FHOD3: variants seen among roughly 807,000 people sequenced by gnomAD.
FHOD3 encodes formin homology 2 domain containing 3.
A neutral mutation model predicts 173.0 loss-of-function variants in FHOD3; 90 were observed. The ratio of observed to expected loss-of-function variants is 0.52; its 90% CI spans 0.44 to 0.62. The LOEUF (loss-of-function observed/expected upper bound fraction) is 0.62, where lower values mean the gene tolerates loss of function less well. FHOD3 is among the 20% of genes least tolerant of loss of function. The pLI is 0.00. For synonymous variants in FHOD3, 828 were observed against 823.0 expected, an observed-to-expected ratio of 1.01 and a Z score of -0.10; for missense variants, 1,945 against 2,034.7, an observed-to-expected ratio of 0.96 and a Z score of 0.85.
intron 1 of FHOD3, among the ~76,000 whole-genome samples, chr18:36,301,269 A>G (rs564361940): frequency 6.6e-6 from 1 of 152,336 alleles, no homozygotes; most frequent in East Asian, 1.9e-4. Flanking sequence ...GAGTGTGGAC[A>G]TCTTTTCTTA....
At chr18:36,723,107 A>G (rs9962711) in intron 19 of FHOD3, among the ~76,000 whole-genome samples, 2,377 of 152,252 alleles carry the variant, frequency 0.016, 50 homozygotes, top group African/African-American at 0.054. Context: ...TGTCAGGGCC[A>G]AAAGCCCCTG....
intron 3 of FHOD3, among the ~76,000 whole-genome samples, chr18:36,497,668 G>A (rs993741702): frequency 6.6e-6 from 1 of 152,124 alleles, no homozygotes; most frequent in Non-Finnish European, 1.5e-5. Flanking sequence ...AATCCCAAAT[G>A]TAAGCACACC....
chr18:36,445,371 T>C (rs916432542), intron 3 of FHOD3, among the ~76,000 whole-genome samples: 2 of 152,182 alleles, frequency 1.3e-5, no homozygotes, highest in African/African-American at 2.4e-5. Context: ...TAAAAACTTC[T>C]GGGTTTTAGG....
chr18:36,389,818 G>A (rs1413456777), intron 3 of FHOD3, among the ~76,000 whole-genome samples: 8 of 151,938 alleles, frequency 5.3e-5, no homozygotes, highest in Non-Finnish European at 1.2e-4. Context: ...GGACAGACGG[G>A]TGAATCTGGG....
chr18:36,492,346 G>A (rs1174484909), intron 3 of FHOD3, among the ~76,000 whole-genome samples: 2 of 152,028 alleles, frequency 1.3e-5, no homozygotes, highest in African/African-American at 4.8e-5. Flanking sequence ...CTTCTCACAT[G>A]ACATTGCCAT....
At chr18:36,665,166 G>C (rs2037094408) in intron 14 of FHOD3, among the ~76,000 whole-genome samples, 1 of 152,138 alleles carries the variant, frequency 6.6e-6, no homozygotes, top group Admixed American at 6.5e-5. Flanking sequence ...TTCCCTCAAA[G>C]CCCAGTAATG....
At chr18:36,547,522 C>T (rs1237380812) in intron 5 of FHOD3, among the ~76,000 whole-genome samples, 1 of 152,096 alleles carries the variant, frequency 6.6e-6, no homozygotes, top group African/African-American at 2.4e-5. Context: ...ATCTGCCTGC[C>T]TTGGCCTCCC....
At chr18:36,403,607 T>C (rs1336645994) in intron 3 of FHOD3, among the ~76,000 whole-genome samples, 1 of 152,204 alleles carries the variant, frequency 6.6e-6, no homozygotes. Flanking sequence ...ATAAAAACAC[T>C]GGAGATTTTA....
chr18:36,761,917 C>T (rs1463388391), intron 27 of FHOD3, among the ~76,000 whole-genome samples: 2 of 151,948 alleles, frequency 1.3e-5, no homozygotes, highest in Non-Finnish European at 2.9e-5. Context: ...AACAGCATGC[C>T]AGGTAAGCTG....
chr18:36,720,692 C>T (rs989461815), intron 19 of FHOD3, among the ~76,000 whole-genome samples: 3 of 112,620 alleles, frequency 2.7e-5, no homozygotes, highest in South Asian at 3.1e-4. Flanking sequence ...TTCCTCCTCC[C>T]CCTCCTTCTC....
At position 36,493,794 on chromosome 18, in the gene FHOD3, G is replaced by A. The variant is rs77326907; in HGVS notation, c.338-8138G>A. The stretch of plus-strand genomic sequence containing the variant: ...CTGTGAATAAATCTCCTCTTGAAAC[G>A]TGGTATACTTTGCAGCAGCCCAGGG... On this transcript the variant is annotated intron_variant, in intron 3 of 28. Transcript: ENST00000590592. Among the ~76,000 whole-genome samples, 27 of 152,294 alleles carry A rather than the reference G, an allele frequency of 1.8e-4. No homozygotes were observed. The East Asian group carries it at 2.7e-3, about 15-fold the overall frequency.
At chr18:36,750,528 G>A (rs1247314494) in intron 24 of FHOD3, among the ~76,000 whole-genome samples, 1 of 152,148 alleles carries the variant, frequency 6.6e-6, no homozygotes, top group Non-Finnish European at 1.5e-5. Context: ...CATTGTGATT[G>A]CTTTTGGTAA....
chr18:36,668,808 C>T (rs1242030371), intron 14 of FHOD3, among the ~76,000 whole-genome samples: 1 of 151,954 alleles, frequency 6.6e-6, no homozygotes, highest in Non-Finnish European at 1.5e-5. Flanking sequence ...CTTTCTGTTA[C>T]TGATTTCTAA....
chr18:36,705,463 A>G (rs1360552321), intron 17 of FHOD3, among the ~76,000 whole-genome samples: 1 of 152,130 alleles, frequency 6.6e-6, no homozygotes, highest in Non-Finnish European at 1.5e-5. Flanking sequence ...GGCACCGTGC[A>G]TTTTATCTTA....
intron 25 of FHOD3, among the ~76,000 whole-genome samples, chr18:36,756,917 G>A (rs1488191825): frequency 6.6e-6 from 1 of 152,146 alleles, no homozygotes; most frequent in Admixed American, 6.5e-5. Context: ...CCTCTTGGAA[G>A]ACAGCAACCC....
intron 7 of FHOD3, 45 bp downstream of exon 7, chr18:36,594,943 A>G (rs935678038): frequency 1.6e-5 from 20 of 1,282,026 alleles, no homozygotes; most frequent in Non-Finnish European, 1.9e-5. Flanking sequence ...GAAGGTGTCT[A>G]ATGTAGGGAG....
chr18:36,556,564 A>G (rs1208192843), intron 5 of FHOD3, among the ~76,000 whole-genome samples: 1 of 152,176 alleles, frequency 6.6e-6, no homozygotes, highest in African/African-American at 2.4e-5. Flanking sequence ...CTCTTTGTGT[A>G]TAGTATAAGA....
intron 18 of FHOD3, among the ~76,000 whole-genome samples, chr18:36,715,237 C>T (rs2040384305): frequency 6.6e-6 from 1 of 152,188 alleles, no homozygotes; most frequent in Admixed American, 6.5e-5. Flanking sequence ...CGTGGTTTCC[C>T]CCATCCTGTT....
intron 3 of FHOD3, among the ~76,000 whole-genome samples, chr18:36,454,367 G>A (rs866179025): frequency 9.9e-5 from 15 of 152,112 alleles, no homozygotes; most frequent in Admixed American, 7.9e-4. Context: ...ACACATGAGC[G>A]CATATAGGAG....
Sources: allele counts gnomAD v4.1 joint callset (sites outside exome capture counted in the v4.1 genomes callset), GRCh38; gene constraint gnomAD v4.1.1; transcripts MANE v1.5; gene names NCBI Gene and HGNC (gene_info 2026-07-23, HGNC 2026-07-21).